The following PAPPA2 variants were observed in gnomAD, a reference collection of about 807,000 sequenced individuals.
The protein encoded by PAPPA2 is pappalysin 2.
PAPPA2 carries 86 observed loss-of-function variants against 176.4 expected under a neutral mutation model. The ratio of observed to expected loss-of-function variants is 0.49; its 90% CI spans 0.41 to 0.58. The LOEUF is 0.58. Ranked by LOEUF, PAPPA2 falls within the 20% of genes least tolerant of loss-of-function variation. The pLI, the probability that PAPPA2 is intolerant of heterozygous loss-of-function variation, is 0.00. For synonymous variants in PAPPA2, 809 were observed against 852.2 expected (o/e 0.95, Z 0.88); for missense variants, 2,073 against 2,256.9 (o/e 0.92, Z 1.65).
intron 3 of PAPPA2, among the ~76,000 whole-genome samples, chr1:176,612,337 T>C (rs1654977420): frequency 6.6e-6 from 1 of 151,944 alleles, no homozygotes; most frequent in Admixed American, 6.6e-5. Context: ...GAGGTTGCAG[T>C]GAGCTGAGAT....
rs575487859 is a variant in PAPPA2 at position 176,701,836 on chromosome 1, T to C, written c.3237-771T>C. 2.4e-3 allele frequency among the ~76,000 whole-genome samples: 369 copies of C among 152,222 alleles called. 2 individuals carry two copies. Among genetic ancestry groups the C allele is most frequent in the African/African-American group, 8.7e-3 (362 of 41,554 alleles). On this transcript the variant is annotated intron_variant, in intron 8 of 22. Transcript: ENST00000367662. Reference sequence around the variant, plus strand: ...TGGGCAAAATTAAGATGAAGGCAGATTTTGTCTTTGGGACCAGAAGCTCTC... The same window carrying C: ...TGGGCAAAATTAAGATGAAGGCAGACTTTGTCTTTGGGACCAGAAGCTCTC...
At chr1:176,652,409 G>C (rs553667004) in intron 3 of PAPPA2, among the ~76,000 whole-genome samples, 1 of 151,668 alleles carries the variant, frequency 6.6e-6, no homozygotes, top group South Asian at 2.1e-4. Flanking sequence ...GGCACCTTAA[G>C]TCCAGATTTA....
At chr1:176,694,051 C>T (rs1232074613) in intron 6 of PAPPA2, among the ~76,000 whole-genome samples, 1 of 152,134 alleles carries the variant, frequency 6.6e-6, no homozygotes, top group Non-Finnish European at 1.5e-5. Flanking sequence ...TGAGACCTCC[C>T]AACATGTGTG....
At chr1:176,476,478 C>T (rs982609095) in intron 1 of PAPPA2, among the ~76,000 whole-genome samples, 10 of 152,178 alleles carry the variant, frequency 6.6e-5, no homozygotes, top group Admixed American at 6.5e-4. Context: ...TTCTGTGCAA[C>T]TTGTTTTATT....
chr1:176,600,448 G>A (rs1573106016), intron 3 of PAPPA2, among the ~76,000 whole-genome samples: 2 of 151,924 alleles, frequency 1.3e-5, no homozygotes, highest in South Asian at 4.2e-4. Flanking sequence ...AGGCCGAGGC[G>A]GGCGGATCAC....
In PAPPA2 at chr1:176,556,645, C is replaced by T. The variant is rs2102590567; in HGVS notation, c.323C>T (p.Pro108Leu). 1 of 1,614,174 alleles carries T rather than the reference C, an allele frequency of 6.2e-7. No individual in the cohort carries two copies. Among genetic ancestry groups the T allele is most frequent in the South Asian group, 1.1e-5 (1 of 91,084 alleles). Residue 108 changes from proline (P) to leucine (L), a missense_variant, in exon 2 of 23, where the codon CCC becomes CTC. This residue lies in a region of PAPPA2 where 1,196 missense variants were observed against 1,330.4 expected (regional missense o/e 0.90). Transcript: ENST00000367662. ...GAAGGAAATGCTGTGAGCCTTGTTC[C>T]CCCAGACCTGACTGAAAATCCAGCA... ...DTEGNAVSLV[P>L]PDLTENPAGL...
chr1:176,817,862 G>T (rs1204980639), intron 21 of PAPPA2, among the ~76,000 whole-genome samples: 4 of 152,108 alleles, frequency 2.6e-5, no homozygotes, highest in Non-Finnish European at 5.9e-5. Context: ...TCTCAGCTGG[G>T]GACTTATATT....
intron 3 of PAPPA2, among the ~76,000 whole-genome samples, chr1:176,666,692 A>C (rs901805070): frequency 6.6e-6 from 1 of 151,856 alleles, no homozygotes. Context: ...ATATCATCAA[A>C]GAAGGAGGTA....
chr1:176,481,155 A>G (rs1313677758), intron 1 of PAPPA2, among the ~76,000 whole-genome samples: 1 of 152,166 alleles, frequency 6.6e-6, no homozygotes, highest in East Asian at 1.9e-4. Context: ...GACTGGCTCC[A>G]AGAATATTGA....
chr1:176,502,264 A>G (rs543939581), intron 1 of PAPPA2, among the ~76,000 whole-genome samples: 9 of 152,320 alleles, frequency 5.9e-5, no homozygotes, highest in Admixed American at 5.2e-4. Context: ...TTTTGCCCAT[A>G]TATCTTTAAA....
intron 9 of PAPPA2, 41 bp downstream of exon 9, chr1:176,702,776 TGA>T (rs71129581): frequency 0.036 from 37,677 of 1,053,304 alleles, 12 homozygotes; most frequent in East Asian, 0.11. Flanking sequence ...TGTGTGTGTG[TGA>T]GAGAGAGAGA....
chr1:176,479,897 G>T (rs2050129), intron 1 of PAPPA2, among the ~76,000 whole-genome samples: 144,929 of 152,344 alleles, frequency 0.95, 68,995 homozygotes, highest in East Asian at 1. Flanking sequence ...ACATCAATCT[G>T]AAAGCATAGA....
At chr1:176,515,649 C>T (rs374570358) in intron 1 of PAPPA2, among the ~76,000 whole-genome samples, 10 of 152,290 alleles carry the variant, frequency 6.6e-5, no homozygotes, top group African/African-American at 2.4e-4. Context: ...CTCTTTGCTC[C>T]ATTGTTAATA....
chr1:176,643,103 C>T (rs903907496), intron 3 of PAPPA2, among the ~76,000 whole-genome samples: 14 of 151,988 alleles, frequency 9.2e-5, no homozygotes, highest in Admixed American at 5.3e-4. Flanking sequence ...TATAAGTAGG[C>T]ATATGCTAAG....
intron 17 of PAPPA2, among the ~76,000 whole-genome samples, chr1:176,779,288 G>T (rs545530278): frequency 5.9e-4 from 89 of 152,054 alleles, no homozygotes; most frequent in African/African-American, 2.1e-3. Flanking sequence ...TGTGTCTCTG[G>T]CTCACCCTTT....
At chr1:176,506,416 G>A (rs1046942242) in intron 1 of PAPPA2, among the ~76,000 whole-genome samples, 6 of 151,770 alleles carry the variant, frequency 4.0e-5, no homozygotes, top group Non-Finnish European at 7.4e-5. Flanking sequence ...GACAAAAATA[G>A]CACTAAATCC....
chr1:176,670,962 C>G lies in PAPPA2; in HGVS notation c.1992-8C>G. On this transcript the variant is annotated splice_polypyrimidine_tract_variant and splice_region_variant and intron_variant, in intron 3 of 22. Transcript: ENST00000367662. ...CTGTGACATTTTTTCATCTTGCATG[C>G]TCTCTAGGGCATACATGAGTGTGAA... The G allele has an allele frequency of 6.2e-7, 1 of 1,612,970 alleles. No homozygotes were observed. Among genetic ancestry groups the G allele is most frequent in the Non-Finnish European group, 8.5e-7 (1 of 1,179,466 alleles).
At chr1:176,686,529 T>C (rs1332124326) in intron 4 of PAPPA2, among the ~76,000 whole-genome samples, 1 of 152,058 alleles carries the variant, frequency 6.6e-6, no homozygotes, top group Non-Finnish European at 1.5e-5. Flanking sequence ...TATATCACCA[T>C]TGGAGAGGGA....
chr1:176,627,083 GC>G (rs1656071501), intron 3 of PAPPA2, among the ~76,000 whole-genome samples: 1 of 151,638 alleles, frequency 6.6e-6, no homozygotes, highest in East Asian at 1.9e-4. Flanking sequence ...AATAATTCAG[GC>G]CTGTACATCC....
Sources: gnomAD v4.1 joint callset for allele counts (sites outside exome capture counted in the v4.1 genomes callset) on GRCh38, gnomAD v4.1.1 for gene constraint, gnomAD v4.1.1 regional missense constraint, MANE v1.5 for transcripts, NCBI Gene and HGNC (gene_info 2026-07-23, HGNC 2026-07-21) for gene names.